TBC1D2B: variants seen among roughly 807,000 people sequenced by gnomAD.
TBC1D2B encodes TBC1 domain family, member 2B.
Under a neutral mutation model 100.8 loss-of-function variants are expected in TBC1D2B, and 64 were observed. That is an observed-to-expected ratio of 0.64 (90% confidence interval 0.52 to 0.78). The LOEUF is 0.78. Ranked by LOEUF, TBC1D2B falls within the 30% of genes least tolerant of loss-of-function variation. TBC1D2B has a pLI of 0.00. For synonymous variants in TBC1D2B, 480 were observed against 479.7 expected (o/e 1.00, Z -0.01); for missense variants, 1,052 against 1,218.4 (o/e 0.86, Z 2.03).
intron 1 of TBC1D2B, among the ~76,000 whole-genome samples, chr15:78,060,777 T>C (rs1596328828): frequency 6.6e-6 from 1 of 151,490 alleles, no homozygotes; most frequent in Admixed American, 6.6e-5. Context: ...ATTAGCCAGG[T>C]GTGGTGGCAC....
In TBC1D2B at chr15:78,077,691, C is replaced by A. The variant is rs1394418433; in HGVS notation, c.-39G>T. ...CAACCGTAGGCGCCCGCGCCCTGCG[C>A]CTCCGCGCCGCGGCCGCTGCGCCCC... On this transcript the variant is annotated 5_prime_UTR_variant, in exon 1 of 13. Coordinates refer to ENST00000300584, the MANE Select transcript of TBC1D2B (RefSeq NM_144572.2). 1 of 985,882 alleles carries A rather than the reference C, an allele frequency of 1.0e-6. No individual in the cohort carries two copies. The highest frequency in any genetic ancestry group is 1.2e-6 in the Non-Finnish European group (1 of 830,698). The allele number at this position is 985,882 out of a possible 1,614,324, so 61.1% of individuals were successfully genotyped here.
chr15:78,056,779 A>G (rs145913846), intron 1 of TBC1D2B, among the ~76,000 whole-genome samples: 35 of 149,700 alleles, frequency 2.3e-4, no homozygotes, highest in African/African-American at 8.0e-4. Context: ...CAGGGAGTCA[A>G]TACTGTGAGC....
At chr15:78,055,109 C>T (rs1821420687) in intron 1 of TBC1D2B, among the ~76,000 whole-genome samples, 1 of 152,088 alleles carries the variant, frequency 6.6e-6, no homozygotes, top group Non-Finnish European at 1.5e-5. Flanking sequence ...TTATGTAACA[C>T]CCTGAGAAGG....
intron 8 of TBC1D2B, among the ~76,000 whole-genome samples, chr15:78,015,902 T>C (rs907591475): frequency 5.3e-5 from 8 of 152,220 alleles, no homozygotes; most frequent in Admixed American, 4.6e-4. Flanking sequence ...GGAAAGGTCA[T>C]GTCAAACTGA....
chr15:78,003,334 A>G lies in TBC1D2B; in HGVS notation c.2545T>C (p.Trp849Arg), dbSNP rs1337906260. 6.2e-7 allele frequency: 1 copy of G among 1,613,880 alleles called. No individual in the cohort carries two copies. Among genetic ancestry groups the G allele is most frequent in the South Asian group, 1.1e-5 (1 of 91,086 alleles). The change falls in exon 11 of 13, where the codon TGG becomes CGG. Residue 849 changes from tryptophan (W) to arginine (R), a missense_variant. Trp to Arg is a moderately radical substitution (Grantham distance 101). Around this residue, in one of 4 missense-constraint regions of TBC1D2B, gnomAD observed 373 missense variants for 464.9 expected, o/e 0.80. Transcript: ENST00000300584. The stretch of plus-strand genomic sequence containing the variant: ...GGTCCTTCATAAAGGAAAGAGTCCC[A>G]TATTTTAAAGAGGATGTCACTAACG... ...SVVSDILFKI[W>R]DSFLYEGPKV...
Position 78,024,315 on chromosome 15 carries a change from G to T in TBC1D2B, c.1311C>A (p.Asn437Lys). Residue 437 changes from asparagine (N) to lysine (K), a missense_variant, in exon 6 of 13, where the codon AAC becomes AAA. Coordinates refer to ENST00000300584, the MANE Select transcript of TBC1D2B (RefSeq NM_144572.2). Reference sequence around the variant, plus strand: ...TCTCCATGAGCATTCCCAGCTGCTCGTTGAGCTCGCCCACTTTGCTCTTCA... The same window carrying T: ...TCTCCATGAGCATTCCCAGCTGCTCTTTGAGCTCGCCCACTTTGCTCTTCA... Reference protein sequence around the residue: ...RTLKSKVGELNEQLGMLMETI... With the variant: ...RTLKSKVGELKEQLGMLMETI... 1.2e-6 allele frequency: 2 copies of T among 1,614,068 alleles called. No homozygotes were observed. The highest frequency in any genetic ancestry group is 1.7e-6 in the Non-Finnish European group (2 of 1,179,906).
At position 78,054,084 on chromosome 15, in the gene TBC1D2B, G is replaced by C. The variant is rs1250671792; in HGVS notation, c.464C>G (p.Ser155Cys). The change falls in exon 2 of 13, where the codon TCT (serine) becomes TGT (cysteine). Residue 155 changes from serine to cysteine, a missense_variant. Around this residue, in one of 4 missense-constraint regions of TBC1D2B, gnomAD observed 627 missense variants for 646.1 expected, o/e 0.97. Transcript: ENST00000300584. ...LDMVKWDSRT[S>C]PTPGDFPKGL... ...CTTAGGAAAATCCCCGGGAGTTGGA[G>C]AGGTCCTGCTGTCCCACTTGACCAT... The C allele has an allele frequency of 1.2e-6, 2 of 1,613,712 alleles. No individual in the cohort carries two copies. Among genetic ancestry groups the C allele is most frequent in the Non-Finnish European group, 1.7e-6 (2 of 1,179,826 alleles).
At chr15:78,011,049 G>A (rs1471666509) in intron 9 of TBC1D2B, among the ~76,000 whole-genome samples, 1 of 152,164 alleles carries the variant, frequency 6.6e-6, no homozygotes, top group East Asian at 1.9e-4. Context: ...GATTGAGTAT[G>A]CAATGTGAAT....
chr15:78,071,914 A>C (rs181743303), intron 1 of TBC1D2B, among the ~76,000 whole-genome samples: 1 of 152,314 alleles, frequency 6.6e-6, no homozygotes. Context: ...GGTGCTGGTC[A>C]ATTTGGTTCC....
chr15:78,034,843 T>C (rs2072909025), intron 3 of TBC1D2B: 2 of 541,794 alleles, frequency 3.7e-6, no homozygotes, highest in Non-Finnish European at 4.7e-6. Context: ...AAAACCCAAT[T>C]CTAGGACTGT....
At chr15:78,014,387 G>A (rs2072314137) in intron 8 of TBC1D2B, among the ~76,000 whole-genome samples, 1 of 152,234 alleles carries the variant, frequency 6.6e-6, no homozygotes, top group Non-Finnish European at 1.5e-5. Context: ...GATCTAGCAA[G>A]CAGAGTTAAA....
Position 78,024,340 on chromosome 15 carries a change from A to G in TBC1D2B, c.1286T>C (p.Leu429Pro). 6.2e-7 allele frequency: 1 copy of G among 1,614,032 alleles called. No homozygotes were observed. Among genetic ancestry groups the G allele is most frequent in the South Asian group, 1.1e-5 (1 of 91,086 alleles). The part of the protein sequence containing the change: ...KESLQQEVRT[L>P]KSKVGELNEQ... ...GTTGAGCTCGCCCACTTTGCTCTTC[A>G]GCGTCCTTACTTCCTGCTGAAGACT... Residue 429 changes from leucine (L) to proline (P), a missense_variant, in exon 6 of 13, where the codon CTG (leucine) becomes CCG (proline). Transcript: ENST00000300584.
At chr15:78,039,677 CA>C (rs757376403) in intron 3 of TBC1D2B, among the ~76,000 whole-genome samples, 1 of 152,024 alleles carries the variant, frequency 6.6e-6, no homozygotes, top group Non-Finnish European at 1.5e-5. Context: ...TGAGCACTTA[CA>C]ATGACACTGT....
Position 78,077,310 on chromosome 15 carries a change from C to T in TBC1D2B, c.343G>A (p.Ala115Thr), listed in dbSNP as rs1213357350. ...PAHFQVHSAGAVTVLKAPNRQ... is the reference protein window; with the variant it reads ...PAHFQVHSAGTVTVLKAPNRQ... The stretch of plus-strand genomic sequence containing the variant: ...GGTCCCACCTTGAGCACCGTGACGG[C>T]TCCCGCGCTGTGCACCTGGAAGTGC... Residue 115 changes from alanine to threonine, a missense_variant, in exon 1 of 13, where the codon GCC becomes ACC. Coordinates refer to ENST00000300584, the MANE Select transcript of TBC1D2B (RefSeq NM_144572.2). 2.6e-6 allele frequency: 4 copies of T among 1,527,752 alleles called. No homozygotes were observed. Among genetic ancestry groups the T allele is most frequent in the Non-Finnish European group, 2.6e-6 (3 of 1,139,052 alleles). 94.6% of individuals were successfully genotyped at this position (1,527,752 alleles called of 1,614,324 possible).
chr15:78,005,808 C>T (rs1411424237), intron 10 of TBC1D2B, among the ~76,000 whole-genome samples: 1 of 152,162 alleles, frequency 6.6e-6, no homozygotes, highest in Admixed American at 6.5e-5. Context: ...TAGTGATCAT[C>T]TATTACTTGT....
intron 1 of TBC1D2B, 84 bp downstream of exon 1, chr15:78,077,206 GGAA>G: frequency 7.2e-7 from 1 of 1,385,846 alleles, no homozygotes; most frequent in South Asian, 1.6e-5. Context: ...AGGCCTTGGA[GGAA>G]GGAGGGTGGA....
At chr15:78,000,863 C>A (rs927789902) in intron 12 of TBC1D2B, among the ~76,000 whole-genome samples, 1 of 152,194 alleles carries the variant, frequency 6.6e-6, no homozygotes, top group Non-Finnish European at 1.5e-5. Context: ...CAATCTACCC[C>A]CCTTCTCCAT....
rs1193034500 is a variant in TBC1D2B at position 77,998,247 on chromosome 15, C to T, written c.2805G>A (p.Leu935=). Residue 935 remains leucine (L), a synonymous_variant, in exon 13 of 13, where the codon CTG becomes CTA. Transcript: ENST00000300584. Reference sequence around the variant, plus strand: ...GCAGGAAGTCCTCACGGATGGCCTCCAGCTCGGTCAGCTCCAGCCGGACTT... The same window carrying T: ...GCAGGAAGTCCTCACGGATGGCCTCTAGCTCGGTCAGCTCCAGCCGGACTT... The part of the protein sequence containing the change: ...LEKVRLELTE[L]EAIREDFLRE... The T allele has an allele frequency of 7.5e-6, 12 of 1,594,466 alleles. No homozygotes were observed. The highest frequency in any genetic ancestry group is 1.6e-4 in the Middle Eastern group (1 of 6,074).
At chr15:78,019,247 A>G (rs943582102) in intron 6 of TBC1D2B, among the ~76,000 whole-genome samples, 5 of 152,322 alleles carry the variant, frequency 3.3e-5, no homozygotes, top group African/African-American at 9.6e-5. Flanking sequence ...GATGGGTTAC[A>G]GGTGCCCCGT....
Sources: gnomAD v4.1 joint callset for allele counts (sites outside exome capture counted in the v4.1 genomes callset) on GRCh38, gnomAD v4.1.1 for gene constraint, gnomAD v4.1.1 regional missense constraint, MANE v1.5 for transcripts, NCBI Gene and HGNC (gene_info 2026-07-23, HGNC 2026-07-21) for gene names.